SMC5: variants seen among roughly 807,000 people sequenced by gnomAD.
SMC5 encodes structural maintenance of chromosomes 5, also known as structural maintenance of chromosomes protein 5.
SMC5 carries 88 observed loss-of-function variants against 148.3 expected under a neutral mutation model. That is an observed-to-expected ratio of 0.59 (90% CI 0.50 to 0.71). The LOEUF (loss-of-function observed/expected upper bound fraction) is 0.71. SMC5 is among the 30% of genes least tolerant of loss of function. The pLI is 0.00. For missense variants in SMC5, 1,142 were observed against 1,298.9 expected (o/e 0.88, Z 1.86); for synonymous variants, 421 against 432.8 (o/e 0.97, Z 0.34).
At chr9:70,300,512 A>C (rs2035331052) in intron 10 of SMC5, among the ~76,000 whole-genome samples, 1 of 152,120 alleles carries the variant, frequency 6.6e-6, no homozygotes, top group African/African-American at 2.4e-5. Context: ...AGCAGGGATT[A>C]GATTAAAACC....
intron 15 of SMC5, among the ~76,000 whole-genome samples, chr9:70,319,386 G>A (rs2118612970): frequency 6.6e-6 from 1 of 152,190 alleles, no homozygotes; most frequent in Middle Eastern, 3.4e-3. Context: ...AAAAATAGCT[G>A]TTTTCCAGAC....
At chr9:70,274,013 CTA>C (rs2034519454) in intron 3 of SMC5, among the ~76,000 whole-genome samples, 1 of 152,194 alleles carries the variant, frequency 6.6e-6, no homozygotes, top group Admixed American at 6.5e-5. Flanking sequence ...CACTATTCCT[CTA>C]TGCAGATTTG....
At chr9:70,277,543 A>C in intron 4 of SMC5, 71 bp downstream of exon 4, 2 of 1,273,238 alleles carry the variant, frequency 1.6e-6, no homozygotes, top group Non-Finnish European at 2.1e-6. Context: ...CGTTGAAGGG[A>C]TATCATAATG....
At position 70,292,069 on chromosome 9, in the gene SMC5, CA is replaced by C. The variant is rs555545704; in HGVS notation, c.1053+5800del. Among the ~76,000 whole-genome samples, 263 of 152,240 alleles carry C rather than the reference CA, an allele frequency of 1.7e-3. 1 individual carries two copies. The highest frequency in any genetic ancestry group is 5.5e-3 in the African/African-American group (228 of 41,542). On this transcript the variant is annotated intron_variant, in intron 8 of 24. Coordinates refer to ENST00000361138, the MANE Select transcript of SMC5 (RefSeq NM_015110.4). ...TGAATAACAGCTTCCCAGATTGTTA[CA>C]AGCATTTGGTTAAATTCCAGAGTGC...
At chr9:70,299,721 C>G (rs551262131) in intron 9 of SMC5, among the ~76,000 whole-genome samples, 97 of 150,850 alleles carry the variant, frequency 6.4e-4, no homozygotes, top group African/African-American at 2.3e-3. Flanking sequence ...ATTTTTCTTC[C>G]AGAATTTTGA....
intron 8 of SMC5, among the ~76,000 whole-genome samples, chr9:70,295,013 G>T (rs1181216309): frequency 4.6e-5 from 7 of 152,030 alleles, no homozygotes; most frequent in African/African-American, 1.2e-4. Context: ...ACCAAAGTGG[G>T]GCTCAATTAA....
chr9:70,281,312 T>A (rs1241102507), intron 6 of SMC5, among the ~76,000 whole-genome samples: 5 of 152,126 alleles, frequency 3.3e-5, no homozygotes, highest in Admixed American at 6.5e-5. Flanking sequence ...AAAATACTGA[T>A]TACGGGTGTG....
At chr9:70,302,555 C>T (rs1447010168) in intron 10 of SMC5, among the ~76,000 whole-genome samples, 1 of 151,816 alleles carries the variant, frequency 6.6e-6, no homozygotes, top group East Asian at 2.0e-4. Flanking sequence ...CCTCTAGTCC[C>T]AGCTACTGGG....
chr9:70,328,364 T>C (rs771746421), intron 17 of SMC5, among the ~76,000 whole-genome samples: 1 of 152,150 alleles, frequency 6.6e-6, no homozygotes, highest in African/African-American at 2.4e-5. Context: ...TTCCAAGATA[T>C]AGTGGGGGCG....
chr9:70,272,679 G>A (rs903006669), intron 3 of SMC5, among the ~76,000 whole-genome samples: 1 of 152,204 alleles, frequency 6.6e-6, no homozygotes, highest in Non-Finnish European at 1.5e-5. Context: ...TATTATGATG[G>A]ATTAAATCAC....
In SMC5 at chr9:70,350,273, G is replaced by A. The variant is rs749778024; in HGVS notation, c.3049G>A (p.Val1017Ile). ...LQELNRCPFR[V>I]VDEINQGMDP... Reference sequence around the variant, plus strand: ...GGAGCTAAATAGATGTCCATTCAGAGTAGTTGATGAAATCAATCAGGTATG... The same window carrying A: ...GGAGCTAAATAGATGTCCATTCAGAATAGTTGATGAAATCAATCAGGTATG... Residue 1017 changes from valine to isoleucine, a missense_variant, in exon 23 of 25, where the codon GTA becomes ATA. Around this residue, in one of 5 missense-constraint regions of SMC5, gnomAD observed 30 missense variants for 65.3 expected, o/e 0.46. Transcript: ENST00000361138. 1.8e-5 allele frequency: 29 copies of A among 1,612,826 alleles called. No homozygotes were observed. The highest frequency in any genetic ancestry group is 2.4e-5 in the Non-Finnish European group (28 of 1,179,586).
At chr9:70,321,970 T>C (rs2035959147) in intron 15 of SMC5, among the ~76,000 whole-genome samples, 1 of 152,230 alleles carries the variant, frequency 6.6e-6, no homozygotes, top group Non-Finnish European at 1.5e-5. Flanking sequence ...TAATCTTTAA[T>C]AATAAGTAAC....
intron 7 of SMC5, 114 bp from the exon 8 acceptor site, chr9:70,286,086 G>A (rs1032476638): frequency 4.7e-4 from 323 of 692,258 alleles, no homozygotes; most frequent in Non-Finnish European, 9.1e-5. Context: ...TATGGATTTT[G>A]CTTGATGTAA....
chr9:70,266,990 A>G (rs1409296817), intron 2 of SMC5, among the ~76,000 whole-genome samples: 5 of 150,180 alleles, frequency 3.3e-5, no homozygotes, highest in Admixed American at 6.6e-5. Context: ...TAAAACCTGT[A>G]CTTTTAAGCA....
rs188403194 is a variant in SMC5 at position 70,307,290 on chromosome 9, T to C, written c.1578+1930T>C. On this transcript the variant is annotated intron_variant, in intron 11 of 24. Transcript: ENST00000361138. ...CACTATTTTTTCTCTTTGTAATTGT[T>C]TGTGTGGAGATACTTTGAGATTGCA... is the stretch of plus-strand genomic sequence containing the variant. 1.8e-3 allele frequency among the ~76,000 whole-genome samples: 280 copies of C among 152,174 alleles called. 2 individuals are homozygous for C. The highest frequency in any genetic ancestry group is 3.3e-3 in the Non-Finnish European group (227 of 67,982).
At chr9:70,336,543 C>T (rs1049149505) in intron 17 of SMC5, among the ~76,000 whole-genome samples, 2 of 152,130 alleles carry the variant, frequency 1.3e-5, no homozygotes, top group African/African-American at 4.8e-5. Flanking sequence ...AAAAAGCAAT[C>T]AAAGGTAAGT....
At chr9:70,296,568 G>A (rs989233854) in intron 8 of SMC5, among the ~76,000 whole-genome samples, 12 of 150,740 alleles carry the variant, frequency 8.0e-5, no homozygotes, top group African/African-American at 2.9e-4. Context: ...AAAAAAAAAG[G>A]TAAAAGTTTA....
chr9:70,298,299 TA>T (rs2035261731), intron 9 of SMC5, 78 bp downstream of exon 9: 1 of 1,436,696 alleles, frequency 7.0e-7, no homozygotes, highest in Admixed American at 2.4e-5. Context: ...TCTGCTTCTA[TA>T]ATTATTTCTA....
intron 3 of SMC5, among the ~76,000 whole-genome samples, chr9:70,268,453 T>C: frequency 6.8e-6 from 1 of 147,396 alleles, no homozygotes; most frequent in African/African-American, 2.6e-5. Context: ...CCATGCCCCC[T>C]GCCCCCCCCA....
Sources: gnomAD v4.1 joint callset for allele counts (sites outside exome capture counted in the v4.1 genomes callset) on GRCh38, gnomAD v4.1.1 for gene constraint, gnomAD v4.1.1 regional missense constraint, MANE v1.5 for transcripts, NCBI Gene and HGNC (gene_info 2026-07-23, HGNC 2026-07-21) for gene names.